The following MRPS35 variants were observed in gnomAD, a reference collection of about 807,000 sequenced individuals.
MRPS35 encodes small ribosomal subunit protein mS35.
Under a neutral mutation model 32.7 loss-of-function variants are expected in MRPS35, and 29 were observed. The ratio of observed to expected loss-of-function variants is 0.89; its 90% CI spans 0.66 to 1.21. MRPS35 has a LOEUF of 1.21. Among genes scored for constraint, MRPS35 ranks in the 50% most tolerant of loss-of-function variants. The pLI, the probability that MRPS35 is intolerant of heterozygous loss-of-function variation, is 0.00. For synonymous variants in MRPS35, 148 were observed against 139.3 expected, an observed-to-expected ratio of 1.06 and a Z score of -0.44; for missense variants, 373 against 383.8, an observed-to-expected ratio of 0.97 and a Z score of 0.23.
chr12:27,733,720 C>A (rs191341098), intron 5 of MRPS35, among the ~76,000 whole-genome samples: 104 of 152,120 alleles, frequency 6.8e-4, no homozygotes, highest in African/African-American at 2.2e-3. Flanking sequence ...AGTCAGTAAC[C>A]TGGTAGTTGA....
At chr12:27,729,356 T>A (rs2061912419) in intron 5 of MRPS35, among the ~76,000 whole-genome samples, 1 of 152,194 alleles carries the variant, frequency 6.6e-6, no homozygotes, top group Admixed American at 6.5e-5. Context: ...GCTGATTCTT[T>A]CGGAAATTTC....
intron 2 of MRPS35, 101 bp from the exon 3 acceptor site, chr12:27,716,190 C>G (rs1254652829): frequency 8.4e-7 from 1 of 1,192,684 alleles, no homozygotes; most frequent in African/African-American, 1.6e-5. Flanking sequence ...AATTTTGCTT[C>G]TATTTCTTGT....
At chr12:27,720,812 ACTTCTC>A (rs764122758) in intron 4 of MRPS35, among the ~76,000 whole-genome samples, 54 of 148,030 alleles carry the variant, frequency 3.6e-4, no homozygotes, top group Middle Eastern at 3.4e-3. Flanking sequence ...TTACACTACT[ACTTCTC>A]CTTCTCCTTC....
At chr12:27,745,068 G>A (rs759408009) in intron 7 of MRPS35, among the ~76,000 whole-genome samples, 10 of 151,990 alleles carry the variant, frequency 6.6e-5, no homozygotes, top group East Asian at 3.8e-4. Context: ...TGATCCTCCC[G>A]CCTCAGCCTC....
intron 5 of MRPS35, among the ~76,000 whole-genome samples, chr12:27,726,579 A>C (rs2061901549): frequency 6.6e-6 from 1 of 152,148 alleles, no homozygotes; most frequent in Admixed American, 6.5e-5. Flanking sequence ...GTTTTTGAAA[A>C]ACAATTTCAA....
intron 7 of MRPS35, 62 bp downstream of exon 7, chr12:27,737,670 A>G (rs2061947984): frequency 7.5e-7 from 1 of 1,341,514 alleles, no homozygotes; most frequent in Non-Finnish European, 1.1e-6. Context: ...TAACCTTTCA[A>G]AATACTCTTT....
At chr12:27,715,406 C>G (rs1246458333) in intron 2 of MRPS35, among the ~76,000 whole-genome samples, 1 of 152,122 alleles carries the variant, frequency 6.6e-6, no homozygotes, top group African/African-American at 2.4e-5. Flanking sequence ...GGATTACAGG[C>G]GTGAGCTACT....
intron 5 of MRPS35, among the ~76,000 whole-genome samples, chr12:27,731,006 T>G (rs1748882964): frequency 6.6e-6 from 1 of 152,210 alleles, no homozygotes; most frequent in South Asian, 2.1e-4. Flanking sequence ...CATTCTCCCC[T>G]ATTTATTAAT....
chr12:27,734,010 A>T (rs1399565037), intron 5 of MRPS35, among the ~76,000 whole-genome samples: 1 of 152,212 alleles, frequency 6.6e-6, no homozygotes, highest in Admixed American at 6.5e-5. Flanking sequence ...AAGGGTTTCA[A>T]ATCAGTGGGG....
intron 3 of MRPS35, among the ~76,000 whole-genome samples, chr12:27,718,957 C>T (rs1366031029): frequency 2.6e-5 from 4 of 152,098 alleles, no homozygotes; most frequent in African/African-American, 9.7e-5. Flanking sequence ...CATAGTGGCA[C>T]ATGCCTGTAA....
At chr12:27,747,193 C>A (rs2061984352) in intron 7 of MRPS35, among the ~76,000 whole-genome samples, 2 of 152,086 alleles carry the variant, frequency 1.3e-5, no homozygotes, top group Admixed American at 6.5e-5. Flanking sequence ...ATTCTCTTTG[C>A]GTATAATTCT....
intron 5 of MRPS35, among the ~76,000 whole-genome samples, chr12:27,733,476 T>C (rs533765390): frequency 9.8e-5 from 15 of 152,286 alleles, no homozygotes; most frequent in Admixed American, 4.6e-4. Context: ...TTTAAATTTA[T>C]TGTTAGACAT....
intron 7 of MRPS35, among the ~76,000 whole-genome samples, chr12:27,753,663 A>T (rs2062015098): frequency 6.6e-6 from 1 of 152,180 alleles, no homozygotes; most frequent in Admixed American, 6.5e-5. Flanking sequence ...TATTCAGAAT[A>T]ATAGATGATT....
intron 5 of MRPS35, among the ~76,000 whole-genome samples, chr12:27,734,703 CAAAT>C (rs2061936518): frequency 6.6e-6 from 1 of 152,120 alleles, no homozygotes; most frequent in African/African-American, 2.4e-5. Context: ...AATCTGACGT[CAAAT>C]AAATTTGAGA....
intron 5 of MRPS35, among the ~76,000 whole-genome samples, chr12:27,730,836 A>G (rs2061919535): frequency 6.6e-6 from 1 of 152,008 alleles, no homozygotes; most frequent in African/African-American, 2.4e-5. Context: ...CATTTTCTTC[A>G]CCATAAAATT....
chr12:27,725,857 G>T (rs1848728568), intron 5 of MRPS35, among the ~76,000 whole-genome samples: 1 of 130,636 alleles, frequency 7.7e-6, no homozygotes, highest in Admixed American at 8.5e-5. Context: ...CCAGGCTGAA[G>T]TGCAGTGGCG....
chr12:27,719,979 G>A lies in MRPS35; in HGVS notation c.382+111G>A. ...ATATTCAAGTTGTTTTCAGTGAATT[G>A]TTACATGTCAAGTCTGCAAATTGTT... is the stretch of plus-strand genomic sequence containing the variant. On this transcript the variant is annotated intron_variant, in intron 4 of 7. Coordinates refer to ENST00000081029, the MANE Select transcript of MRPS35 (RefSeq NM_021821.4). 6.4e-6 allele frequency: 5 copies of A among 775,470 alleles called. No individual in the cohort carries two copies. In the South Asian group the frequency reaches 8.6e-5, roughly 13 times the overall value. 48.0% of individuals were successfully genotyped at this position (775,470 alleles called of 1,614,324 possible). A position where few individuals can be genotyped will look rare whatever the true frequency, so the allele number is the denominator to read the frequency against.
intron 5 of MRPS35, among the ~76,000 whole-genome samples, chr12:27,728,572 T>C (rs1252642526): frequency 6.6e-6 from 1 of 152,108 alleles, no homozygotes; most frequent in Non-Finnish European, 1.5e-5. Context: ...AAATATCTAC[T>C]CCACATTATA....
At chr12:27,725,592 A>T (rs1052487515) in intron 5 of MRPS35, 27 of 262,200 alleles carry the variant, frequency 1.0e-4, no homozygotes, top group Non-Finnish European at 1.9e-4. Flanking sequence ...GTAAAAAAAT[A>T]TAATCCCAGC....
Sources: gnomAD v4.1 joint callset for allele counts (sites outside exome capture counted in the v4.1 genomes callset) on GRCh38, gnomAD v4.1.1 for gene constraint, MANE v1.5 for transcripts, NCBI Gene and HGNC (gene_info 2026-07-23, HGNC 2026-07-21) for gene names.